PTPRN2: variants seen among roughly 807,000 people sequenced by gnomAD.
PTPRN2 encodes the protein receptor-type tyrosine-protein phosphatase N2.
In PTPRN2, 74 loss-of-function variants were observed where a neutral mutation model predicts 118.8. That is an observed-to-expected ratio of 0.62 (90% CI 0.52 to 0.76). The LOEUF is 0.76. Among genes scored for constraint, PTPRN2 ranks in the 30% least tolerant of loss-of-function variants. The pLI, the probability that PTPRN2 is intolerant of heterozygous loss-of-function variation, is 0.00. For synonymous variants in PTPRN2, 641 were observed against 608.0 expected (o/e 1.05, Z -0.80); for missense variants, 1,481 against 1,394.4 (o/e 1.06, Z -0.99).
chr7:157,927,499 C>A lies in PTPRN2; in HGVS notation c.1724-28762G>T, dbSNP rs550061903. ...CAGAGACCTCACATCTGCTGGGACCCCGAAGACAGGAAGCCCCAGGGACCC... is the reference window on the plus strand; with the variant it reads ...CAGAGACCTCACATCTGCTGGGACCACGAAGACAGGAAGCCCCAGGGACCC... On this transcript the variant is annotated intron_variant, in intron 11 of 22. Transcript: ENST00000389418. Among the ~76,000 whole-genome samples the A allele has an allele frequency of 2.0e-4, 24 of 119,378 alleles. 4 individuals carry two copies. Among genetic ancestry groups the A allele is most frequent in the Admixed American group, 7.8e-4 (9 of 11,598 alleles). 78.3% of individuals were successfully genotyped at this position (119,378 alleles called of 152,430 possible). A position where few individuals can be genotyped will look rare whatever the true frequency, so the allele number is the denominator to read the frequency against.
chr7:158,263,175 C>T (rs1188469398), intron 3 of PTPRN2, among the ~76,000 whole-genome samples: 1 of 151,558 alleles, frequency 6.6e-6, no homozygotes, highest in African/African-American at 2.4e-5. Flanking sequence ...TTCACACACA[C>T]TGCACACACA....
Position 157,829,620 on chromosome 7 carries a change from C to T in PTPRN2, c.1788+69053G>A, listed in dbSNP as rs555653217. Among the ~76,000 whole-genome samples, 571 of 152,322 alleles carry T rather than the reference C, an allele frequency of 3.7e-3. 3 individuals are homozygous for T. The highest frequency in any genetic ancestry group is 0.013 in the African/African-American group (540 of 41,574). ...TGTTGGTGAAGACTCCTTACAAAGG[C>T]GGAAGGCGCCACACTGTGAGCTGAG... is the stretch of plus-strand genomic sequence containing the variant. On this transcript the variant is annotated intron_variant, in intron 12 of 22. Transcript: ENST00000389418.
intron 10 of PTPRN2, among the ~76,000 whole-genome samples, chr7:158,081,623 C>T (rs1324437894): frequency 6.6e-6 from 1 of 152,108 alleles, no homozygotes; most frequent in African/African-American, 2.4e-5. Context: ...ATATGCTATC[C>T]TAAAAAATTC....
chr7:157,877,350 G>T (rs1178536885), intron 12 of PTPRN2, among the ~76,000 whole-genome samples: 1 of 148,810 alleles, frequency 6.7e-6, no homozygotes, highest in African/African-American at 2.5e-5. Context: ...CGGGGACCCC[G>T]GGTCCGAGTG....
intron 12 of PTPRN2, among the ~76,000 whole-genome samples, chr7:157,792,167 C>T (rs1452849180): frequency 6.6e-6 from 1 of 152,258 alleles, no homozygotes; most frequent in Non-Finnish European, 1.5e-5. Context: ...TCATCTTGAG[C>T]TGCCTCATGG....
chr7:158,037,846 T>G (rs1396569621), intron 11 of PTPRN2, among the ~76,000 whole-genome samples: 1 of 152,234 alleles, frequency 6.6e-6, no homozygotes, highest in East Asian at 1.9e-4. Context: ...ATTCACCTTG[T>G]CAGAAAGATT....
chr7:157,551,959 G>C (rs938993048), intron 21 of PTPRN2, among the ~76,000 whole-genome samples: 1 of 140,904 alleles, frequency 7.1e-6, no homozygotes, highest in Non-Finnish European at 1.5e-5. Context: ...ACAACCCACA[G>C]CCACCACGCA....
At chr7:158,323,915 A>G (rs1307424988) in intron 2 of PTPRN2, among the ~76,000 whole-genome samples, 1 of 152,102 alleles carries the variant, frequency 6.6e-6, no homozygotes, top group Non-Finnish European at 1.5e-5. Flanking sequence ...CATGCACGGG[A>G]CACTCACACA....
chr7:157,930,600 C>A (rs914212903), intron 11 of PTPRN2, among the ~76,000 whole-genome samples: 4 of 152,230 alleles, frequency 2.6e-5, no homozygotes, highest in African/African-American at 9.6e-5. Context: ...GCTTTCTTTT[C>A]TTTGCTTCTC....
At chr7:158,049,361 A>G (rs1809159685) in intron 11 of PTPRN2, among the ~76,000 whole-genome samples, 1 of 152,080 alleles carries the variant, frequency 6.6e-6, no homozygotes, top group Admixed American at 6.5e-5. Context: ...CCTCTCTGCT[A>G]CACTGGTGGG....
chr7:158,131,526 C>T (rs905533282), intron 9 of PTPRN2, among the ~76,000 whole-genome samples: 7 of 151,264 alleles, frequency 4.6e-5, no homozygotes, highest in Admixed American at 3.3e-4. Context: ...GACACACACA[C>T]TCATACACAC....
At chr7:158,316,251 G>A (rs1023690901) in intron 3 of PTPRN2, among the ~76,000 whole-genome samples, 3 of 152,130 alleles carry the variant, frequency 2.0e-5, no homozygotes, top group African/African-American at 4.8e-5. Context: ...GAGTCAGAAC[G>A]CCTTATCCAT....
intron 2 of PTPRN2, among the ~76,000 whole-genome samples, chr7:158,423,848 T>C (rs1421374543): frequency 6.6e-6 from 1 of 152,190 alleles, no homozygotes; most frequent in African/African-American, 2.4e-5. Context: ...ACTGGGACAT[T>C]ACAGTCCCTT....
chr7:158,039,414 C>T (rs896246273), intron 11 of PTPRN2, among the ~76,000 whole-genome samples: 1 of 152,188 alleles, frequency 6.6e-6, no homozygotes, highest in African/African-American at 2.4e-5. Context: ...ATCACAGGGC[C>T]AGAGGATGCT....
At chr7:157,904,785 G>C (rs1216609443) in intron 11 of PTPRN2, among the ~76,000 whole-genome samples, 1 of 152,202 alleles carries the variant, frequency 6.6e-6, no homozygotes, top group African/African-American at 2.4e-5. Context: ...AGAGAGGCCC[G>C]CACCTCCCTC....
At position 158,539,235 on chromosome 7, in the gene PTPRN2, A is replaced by C. The variant is rs535507679; in HGVS notation, c.112+48323T>G. Among the ~76,000 whole-genome samples, 155 of 152,356 alleles carry C rather than the reference A, an allele frequency of 1.0e-3. 1 individual carries two copies. The highest frequency in any genetic ancestry group is 6.8e-3 in the Middle Eastern group (2 of 294). On this transcript the variant is annotated intron_variant, in intron 1 of 22. Coordinates refer to ENST00000389418, the MANE Select transcript of PTPRN2 (RefSeq NM_002847.5). ...TCTTTTAAAATGTATATTTAAATGC[A>C]CTAAGATATTGAGTTGCTATATATC...
At chr7:157,978,123 C>T (rs1447926217) in intron 11 of PTPRN2, among the ~76,000 whole-genome samples, 1 of 151,930 alleles carries the variant, frequency 6.6e-6, no homozygotes, top group Non-Finnish European at 1.5e-5. Context: ...ATGCCTTGGG[C>T]CAGGGCAGTT....
In PTPRN2 at chr7:158,285,200, G is replaced by A. The variant is rs111745032; in HGVS notation, c.277+31619C>T. 1.2e-4 allele frequency among the ~76,000 whole-genome samples: 19 copies of A among 152,244 alleles called. 1 individual carries two copies. The South Asian group carries it at 1.9e-3, about 15-fold the overall frequency. On this transcript the variant is annotated intron_variant, in intron 3 of 22. Transcript: ENST00000389418. Reference sequence around the variant, plus strand: ...GCCATTGTGAAATGACCTTCACTGCGCTCCTGCCCAGAATGTGTGGGAAGA... The same window carrying A: ...GCCATTGTGAAATGACCTTCACTGCACTCCTGCCCAGAATGTGTGGGAAGA...
chr7:158,392,697 G>T (rs958150689), intron 2 of PTPRN2, among the ~76,000 whole-genome samples: 1 of 152,172 alleles, frequency 6.6e-6, no homozygotes, highest in East Asian at 1.9e-4. Flanking sequence ...GCCGGGCCCT[G>T]GGTCCAGTCA....
Sources: allele counts gnomAD v4.1 joint callset (sites outside exome capture counted in the v4.1 genomes callset), GRCh38; gene constraint gnomAD v4.1.1; transcripts MANE v1.5; gene names NCBI Gene and HGNC (gene_info 2026-07-23, HGNC 2026-07-21).